Variants in PPP6R3 observed in about 807,000 individuals in gnomAD.
The protein encoded by PPP6R3 is serine/threonine-protein phosphatase 6 regulatory subunit 3.
A neutral mutation model predicts 110.7 loss-of-function variants in PPP6R3; 38 were observed. The observed-to-expected ratio is 0.34, with a 90% CI of 0.26 to 0.45. The LOEUF is 0.45. Ranked by LOEUF, PPP6R3 falls within the 20% of genes least tolerant of loss-of-function variation. The probability of loss-of-function intolerance (pLI) is 1.00; values close to 1 mark genes in which losing one functional copy is unlikely to be tolerated. For synonymous variants in PPP6R3, 369 were observed against 373.5 expected, an observed-to-expected ratio of 0.99 and a Z score of 0.14; for missense variants, 870 against 1,062.4, an observed-to-expected ratio of 0.82 and a Z score of 2.52.
chr11:68,597,114 G>A (rs2099616017), intron 19 of PPP6R3, among the ~76,000 whole-genome samples: 1 of 152,216 alleles, frequency 6.6e-6, no homozygotes, highest in Non-Finnish European at 1.5e-5. Context: ...CCTACTGTAT[G>A]CCAGGTGTTA....
intron 6 of PPP6R3, 174 bp downstream of exon 6, chr11:68,551,360 A>T: frequency 1.8e-6 from 1 of 564,240 alleles, no homozygotes; most frequent in Admixed American, 3.5e-5. Context: ...ACATTTTGCC[A>T]ATACTCAGAA....
chr11:68,535,856 C>T (rs2099267720), intron 2 of PPP6R3, among the ~76,000 whole-genome samples: 2 of 149,896 alleles, frequency 1.3e-5, no homozygotes, highest in South Asian at 4.3e-4. Context: ...GTAATCCTAG[C>T]TACTTGGGAG....
chr11:68,591,103 TGAATG>T (rs1231718988), intron 17 of PPP6R3, among the ~76,000 whole-genome samples: 1 of 151,800 alleles, frequency 6.6e-6, no homozygotes, highest in Admixed American at 6.6e-5. Flanking sequence ...TCGTGTCACC[TGAATG>T]GAGACAGTTT....
chr11:68,557,895 T>G (rs1461691382), intron 7 of PPP6R3, among the ~76,000 whole-genome samples: 1 of 152,240 alleles, frequency 6.6e-6, no homozygotes, highest in Non-Finnish European at 1.5e-5. Flanking sequence ...AATGTTCATA[T>G]AAATTCAATG....
chr11:68,551,197 TTG>T lies in PPP6R3; in HGVS notation c.618+16_618+17del. On this transcript the variant is annotated intron_variant, in intron 6 of 23. Transcript: ENST00000393800. The stretch of plus-strand genomic sequence containing the variant: ...TCGCAAGAAGAAGATGTAAGTTCAC[TTG>T]TGTGACTGTAAACTTGATTAGAAAA... 6.3e-7 allele frequency: 1 copy of T among 1,597,774 alleles called. No individual in the cohort carries two copies.
chr11:68,572,710 T>C (rs909191567), intron 12 of PPP6R3, among the ~76,000 whole-genome samples: 3 of 151,988 alleles, frequency 2.0e-5, no homozygotes, highest in Non-Finnish European at 2.9e-5. Flanking sequence ...GATGTGGTGG[T>C]ACTTGCCTAT....
intron 1 of PPP6R3, among the ~76,000 whole-genome samples, chr11:68,499,496 T>A (rs142068840): frequency 2.8e-4 from 42 of 152,282 alleles, no homozygotes; most frequent in Middle Eastern, 6.8e-3. Flanking sequence ...GAAGCTATCA[T>A]TTTTGTGACC....
intron 11 of PPP6R3, among the ~76,000 whole-genome samples, chr11:68,570,777 A>C (rs2099501143): frequency 6.6e-6 from 1 of 152,194 alleles, no homozygotes; most frequent in South Asian, 2.1e-4. Flanking sequence ...GCTTTCCTTT[A>C]TAGTTAACTA....
chr11:68,551,333 C>A, intron 6 of PPP6R3, 147 bp downstream of exon 6: 1 of 625,206 alleles, frequency 1.6e-6, no homozygotes, highest in Non-Finnish European at 2.7e-6. Context: ...AAAGTTGATA[C>A]TTTTCTAAAC....
intron 2 of PPP6R3, chr11:68,535,567 A>C (rs903469374): frequency 1.3e-5 from 2 of 152,084 alleles, no homozygotes; most frequent in East Asian, 3.9e-4. Context: ...TAAAGCATTT[A>C]AAGTTTTTTT....
intron 17 of PPP6R3, among the ~76,000 whole-genome samples, chr11:68,590,920 A>C (rs1222825883): frequency 6.6e-6 from 1 of 152,132 alleles, no homozygotes; most frequent in Non-Finnish European, 1.5e-5. Flanking sequence ...TGGTGGAGCT[A>C]ATAAGACCAG....
intron 1 of PPP6R3, among the ~76,000 whole-genome samples, chr11:68,498,117 TA>T (rs1291541716): frequency 1.3e-5 from 2 of 152,206 alleles, no homozygotes; most frequent in African/African-American, 4.8e-5. Context: ...CACCTTAGAA[TA>T]AAAGAATAAT....
rs1357947780 is a variant in PPP6R3, at chr11:68,567,086, T to C, written c.1048T>C (p.Leu350=). 6.4e-7 allele frequency: 1 copy of C among 1,551,510 alleles called. No homozygotes were observed. The highest frequency in any genetic ancestry group is 2.4e-5 in the East Asian group (1 of 40,912). ...GAATACCCGGTTGAATGTCATTAGG[T>C]TGATATCCAGCCTGCTTCAAACCAA... is the stretch of plus-strand genomic sequence containing the variant. ...VGNTRLNVIR[L]ISSLLQTNTS... is the part of the protein sequence containing the mutation. The change falls in exon 10 of 24, where the codon TTG becomes CTG. Residue 350 remains leucine (L), a synonymous_variant. Transcript: ENST00000393800.
intron 1 of PPP6R3, among the ~76,000 whole-genome samples, chr11:68,497,350 G>A (rs1031046130): frequency 1.1e-4 from 16 of 147,744 alleles, no homozygotes; most frequent in African/African-American, 3.5e-4. Context: ...CACCACGTCC[G>A]GCCTCTGTAT....
rs184240984 is a variant in PPP6R3, at chr11:68,566,144, C to T, written c.976-870C>T. ...TTTCAGGTTTGTGATCCAGAGGCAA[C>T]GTCTGAATTTGCATTTTTATCACAG... On this transcript the variant is annotated intron_variant, in intron 9 of 23. Coordinates refer to ENST00000393800, the MANE Select transcript of PPP6R3 (RefSeq NM_001164161.2). Among the ~76,000 whole-genome samples, 15 of 152,266 alleles carry T rather than the reference C, an allele frequency of 9.9e-5. No individual in the cohort carries two copies. In the South Asian group the frequency reaches 1.2e-3, roughly 13 times the overall value.
intron 1 of PPP6R3, among the ~76,000 whole-genome samples, chr11:68,511,733 G>A (rs1236817136): frequency 8.3e-5 from 12 of 145,334 alleles, no homozygotes; most frequent in African/African-American, 3.1e-4. Flanking sequence ...CACCCGCCTC[G>A]GCCTCCCAAA....
At chr11:68,518,657 C>T (rs148020830) in intron 1 of PPP6R3, among the ~76,000 whole-genome samples, 17 of 152,236 alleles carry the variant, frequency 1.1e-4, no homozygotes, top group Admixed American at 2.6e-4. Flanking sequence ...TAAATATACT[C>T]GTTTTAATTT....
intron 18 of PPP6R3, among the ~76,000 whole-genome samples, chr11:68,593,703 C>G (rs1456451238): frequency 6.6e-6 from 1 of 152,166 alleles, no homozygotes; most frequent in Admixed American, 6.5e-5. Context: ...GTGAAACAAA[C>G]GATGCAGACA....
intron 1 of PPP6R3, among the ~76,000 whole-genome samples, chr11:68,497,692 A>G (rs540376432): frequency 2.0e-5 from 3 of 152,350 alleles, no homozygotes; most frequent in African/African-American, 2.4e-5. Flanking sequence ...TGATTTGTCA[A>G]TATTCCATTC....
Sources: gnomAD v4.1 joint callset for allele counts (sites outside exome capture counted in the v4.1 genomes callset) on GRCh38, gnomAD v4.1.1 for gene constraint, MANE v1.5 for transcripts, NCBI Gene and HGNC (gene_info 2026-07-23, HGNC 2026-07-21) for gene names.